The following ZNG1B variants were observed in gnomAD, a reference collection of about 807,000 sequenced individuals.
ZNG1B encodes the protein zinc-regulated GTPase metalloprotein activator 1B.
chr2:113,487,100 G>A, the ZNG1B span, among the ~76,000 whole-genome samples: 6 of 152,020 alleles, frequency 3.9e-5, no homozygotes, highest in Non-Finnish European at 5.9e-5. Context: ...GCATAACAGC[G>A]TTTTAGTCAG....
chr2:113,457,765 G>A, the ZNG1B span, among the ~76,000 whole-genome samples: 2 of 140,310 alleles, frequency 1.4e-5, no homozygotes, highest in South Asian at 2.3e-4. Context: ...TTTGAGGGGG[G>A]TGGTAAGAAC....
the ZNG1B span, chr2:113,439,114 A>G: frequency 1.3e-6 from 2 of 1,527,386 alleles, no homozygotes; most frequent in South Asian, 1.2e-5. Context: ...CGTATTGCTC[A>G]CTGGTAGGTC....
At chr2:113,478,274 T>C in the ZNG1B span, among the ~76,000 whole-genome samples, 1 of 150,898 alleles carries the variant, frequency 6.6e-6, no homozygotes, top group African/African-American at 2.5e-5. Context: ...ATATTTCTTT[T>C]CTTTTTATTT....
At chr2:113,449,107 C>G in the ZNG1B span, among the ~76,000 whole-genome samples, 1 of 151,436 alleles carries the variant, frequency 6.6e-6, no homozygotes, top group Non-Finnish European at 1.5e-5. Flanking sequence ...CTTTTCTTCT[C>G]TAGCTTCCTC....
At chr2:113,440,304 T>G in the ZNG1B span, among the ~76,000 whole-genome samples, 2 of 145,858 alleles carry the variant, frequency 1.4e-5, no homozygotes, top group Non-Finnish European at 3.0e-5. Flanking sequence ...TCTTAAAGTG[T>G]TTTTTTTTTC....
At chr2:113,455,606 C>A in the ZNG1B span, 1 of 1,287,080 alleles carries the variant, frequency 7.8e-7, no homozygotes, top group Non-Finnish European at 1.0e-6. Context: ...ACCCACTGAC[C>A]CGTTCCCAAT....
chr2:113,466,552 C>A, the ZNG1B span: 1 of 614,348 alleles, frequency 1.6e-6, no homozygotes, highest in African/African-American at 2.4e-5. Context: ...TAAAATCTTC[C>A]GTGAATTCTT....
chr2:113,437,955 A>G, the ZNG1B span: 5 of 1,612,034 alleles, frequency 3.1e-6, no homozygotes, highest in Non-Finnish European at 4.2e-6. Context: ...AGACGACGCA[A>G]AGCGAGGAGG....
At chr2:113,475,294 A>G in the ZNG1B span, among the ~76,000 whole-genome samples, 1 of 151,858 alleles carries the variant, frequency 6.6e-6, no homozygotes, top group East Asian at 1.9e-4. Flanking sequence ...CTGTTTTATC[A>G]GAGACTAGGA....
At chr2:113,445,878 T>G in the ZNG1B span, among the ~76,000 whole-genome samples, 1 of 151,854 alleles carries the variant, frequency 6.6e-6, no homozygotes, top group Non-Finnish European at 1.5e-5. Flanking sequence ...GGTAATTTAC[T>G]AAACAGGTCA....
chr2:113,489,863 A>G, the ZNG1B span, among the ~76,000 whole-genome samples: 24 of 148,042 alleles, frequency 1.6e-4, no homozygotes, highest in African/African-American at 5.6e-4. Context: ...AATTTATAAA[A>G]GAATTACTAA....
the ZNG1B span, among the ~76,000 whole-genome samples, chr2:113,439,767 CT>C: frequency 6.6e-6 from 1 of 151,950 alleles, no homozygotes; most frequent in African/African-American, 2.4e-5. Flanking sequence ...CTAGATGTCC[CT>C]CTTAGGTTCT....
the ZNG1B span, among the ~76,000 whole-genome samples, chr2:113,458,985 TTTC>T: frequency 6.6e-6 from 1 of 151,934 alleles, no homozygotes; most frequent in Non-Finnish European, 1.5e-5. Flanking sequence ...TCAACAAATA[TTTC>T]TTGAGCCTGT....
chr2:113,472,574 G>A, the ZNG1B span, among the ~76,000 whole-genome samples: 4 of 151,912 alleles, frequency 2.6e-5, no homozygotes, highest in African/African-American at 9.7e-5. Context: ...CCTATGTCCT[G>A]AATGGTAATG....
At chr2:113,453,415 G>A in the ZNG1B span, among the ~76,000 whole-genome samples, 1 of 151,138 alleles carries the variant, frequency 6.6e-6, no homozygotes, top group African/African-American at 2.4e-5. Context: ...ATCGTACCTG[G>A]CTAATTTTTG....
At chr2:113,487,079 A>T in the ZNG1B span, among the ~76,000 whole-genome samples, 25 of 152,126 alleles carry the variant, frequency 1.6e-4, no homozygotes, top group Admixed American at 1.2e-3. Flanking sequence ...AAATAAGTAT[A>T]GTCATGCACC....
chr2:113,459,852 A>G, the ZNG1B span, among the ~76,000 whole-genome samples: 1 of 144,748 alleles, frequency 6.9e-6, no homozygotes, highest in Non-Finnish European at 1.5e-5. Context: ...TTCCCAGAGA[A>G]GAAGCTTGTG....
chr2:113,462,565 T>C, the ZNG1B span: 47 of 1,536,850 alleles, frequency 3.1e-5, no homozygotes, highest in Admixed American at 3.2e-4. Flanking sequence ...TTACTCTGAT[T>C]GTTGCCCTGT....
chr2:113,440,579 G>T, the ZNG1B span, among the ~76,000 whole-genome samples: 1 of 151,978 alleles, frequency 6.6e-6, no homozygotes, highest in Non-Finnish European at 1.5e-5. Context: ...TGACCTAAAA[G>T]ATATTAATAC....
Sources: gnomAD v4.1 joint callset for allele counts (sites outside exome capture counted in the v4.1 genomes callset) on GRCh38, gnomAD v4.1.1 for gene constraint, MANE v1.5 for transcripts, NCBI Gene and HGNC (gene_info 2026-07-23, HGNC 2026-07-21) for gene names.